NOTCH2NLB: variants seen among roughly 807,000 people sequenced by gnomAD.
NOTCH2NLB encodes the protein notch homolog 2 N-terminal-like protein B.
A neutral mutation model predicts 14.8 loss-of-function variants in NOTCH2NLB; 1 was observed. The observed-to-expected ratio is 0.07, with a 90% CI of 0.02 to 0.32. NOTCH2NLB has a LOEUF of 0.32. Among genes scored for constraint, NOTCH2NLB ranks in the 10% least tolerant of loss-of-function variants. NOTCH2NLB has a pLI of 1.00. For missense variants in NOTCH2NLB, 11 were observed against 155.0 expected, an observed-to-expected ratio of 0.07 and a Z score of 4.93; for synonymous variants, 6 against 57.5, an observed-to-expected ratio of 0.10 and a Z score of 4.05.
chr1:148,669,969 T>C (rs1664723440), intron 1 of NOTCH2NLB, among the ~76,000 whole-genome samples: 1 of 33,036 alleles, frequency 3.0e-5, no homozygotes, highest in African/African-American at 8.6e-5. Context: ...AATACACTGC[T>C]TTTCTCCAAC....
chr1:148,648,004 ACAAC>A (rs1664408229), intron 1 of NOTCH2NLB, among the ~76,000 whole-genome samples: 2 of 141,212 alleles, frequency 1.4e-5, no homozygotes, highest in African/African-American at 5.2e-5. Flanking sequence ...ATCAACGATA[ACAAC>A]TTATAAATGA....
In NOTCH2NLB at chr1:148,637,993, C is replaced by T. The variant is rs1440367176; in HGVS notation, c.77+2023G>A. On this transcript the variant is annotated intron_variant, in intron 2 of 4. Transcript: ENST00000593495. ...ACATTTTCTTTATCCAGTCTATCAC[C>T]GTTGGGCATTTGGGTTGGTTCCAAG... Among the ~76,000 whole-genome samples, 9 of 147,770 alleles carry T rather than the reference C, an allele frequency of 6.1e-5. 1 individual carries two copies. The highest frequency in any genetic ancestry group is 3.6e-3 in the Middle Eastern group (1 of 278).
chr1:148,704,296 G>A, the NOTCH2NLB span, among the ~76,000 whole-genome samples: 103 of 58,330 alleles, frequency 1.8e-3, 30 homozygotes, highest in Non-Finnish European at 6.1e-4. Flanking sequence ...GTATAAGGGA[G>A]GTTCCTTTTT....
chr1:148,674,893 G>C (rs1312019259), intron 1 of NOTCH2NLB, among the ~76,000 whole-genome samples: 2 of 138,844 alleles, frequency 1.4e-5, no homozygotes, highest in African/African-American at 5.1e-5. Flanking sequence ...TTTACTAAAT[G>C]TACATATTCT....
chr1:148,679,469 G>T (rs1664888607), exon 1 of NOTCH2NLB: 2 of 1,096,320 alleles, frequency 1.8e-6, no homozygotes, highest in South Asian at 1.9e-5. Context: ...CACCATGCGC[G>T]GGGGTCGCGC....
At chr1:148,627,586 ACTT>A (rs1372105680) in intron 2 of NOTCH2NLB, among the ~76,000 whole-genome samples, 5 of 149,518 alleles carry the variant, frequency 3.3e-5, no homozygotes, top group African/African-American at 1.2e-4. Context: ...ATAGTACACT[ACTT>A]CTCACTTCCA....
intron 2 of NOTCH2NLB, among the ~76,000 whole-genome samples, chr1:148,637,237 T>C (rs1276231548): frequency 2.1e-5 from 3 of 143,626 alleles, no homozygotes; most frequent in South Asian, 2.3e-4. Flanking sequence ...CCCAGCTAAT[T>C]TTTTGCATTT....
At chr1:148,649,646 G>A (rs1664450625) in intron 1 of NOTCH2NLB, among the ~76,000 whole-genome samples, 3 of 151,810 alleles carry the variant, frequency 2.0e-5, no homozygotes, top group Admixed American at 2.0e-4. Context: ...GAGTAGCTGG[G>A]ACTATAGGTG....
At chr1:148,689,515 C>A in the NOTCH2NLB span, among the ~76,000 whole-genome samples, 1 of 149,104 alleles carries the variant, frequency 6.7e-6, no homozygotes, top group Non-Finnish European at 1.5e-5. Context: ...AACTCCTGAC[C>A]TTAGGTGATC....
intron 1 of NOTCH2NLB, among the ~76,000 whole-genome samples, chr1:148,649,686 G>A (rs2149623819): frequency 1.3e-5 from 2 of 150,812 alleles, no homozygotes; most frequent in South Asian, 4.2e-4. Context: ...AATTTTTTTT[G>A]TATTTTTAGT....
At chr1:148,610,378 A>AGAAAGAAAGAAAGAAG (rs1663662288) in intron 3 of NOTCH2NLB, among the ~76,000 whole-genome samples, 1 of 121,952 alleles carries the variant, frequency 8.2e-6, no homozygotes, top group Non-Finnish European at 1.7e-5. Flanking sequence ...AGAAAGAGAA[A>AGAAAGAAAGAAAGAAG]GAAAGAAAGA....
chr1:148,660,490 G>A (rs1664646622), intron 1 of NOTCH2NLB, among the ~76,000 whole-genome samples: 1 of 147,460 alleles, frequency 6.8e-6, no homozygotes, highest in African/African-American at 2.5e-5. Flanking sequence ...AGAGCAGATA[G>A]AAGACCTGGC....
At position 148,638,405 on chromosome 1, in the gene NOTCH2NLB, C is replaced by T. The variant is rs1392837551; in HGVS notation, c.77+1611G>A. Among the ~76,000 whole-genome samples, 2 of 148,786 alleles carry T rather than the reference C, an allele frequency of 1.3e-5. 1 individual carries two copies. The highest frequency in any genetic ancestry group is 5.0e-5 in the African/African-American group (2 of 39,788). Reference sequence around the variant, plus strand: ...ACCATAATGCAATGGGGTTAACTACCACAAGAGTTGCATAACAGAATAAAG... The same window carrying T: ...ACCATAATGCAATGGGGTTAACTACTACAAGAGTTGCATAACAGAATAAAG... On this transcript the variant is annotated intron_variant, in intron 2 of 4. Coordinates refer to ENST00000593495, the Ensembl canonical transcript of NOTCH2NLB.
At chr1:148,670,539 A>AAATATATATATACATAT (rs1445301786) in intron 1 of NOTCH2NLB, among the ~76,000 whole-genome samples, 1 of 93,478 alleles carries the variant, frequency 1.1e-5, no homozygotes, top group African/African-American at 4.3e-5. Flanking sequence ...TAAAAAAAAA[A>AAATATATATATACATAT]ATATATATAT....
chr1:148,632,143 ACTT>A (rs1664122789), intron 2 of NOTCH2NLB, among the ~76,000 whole-genome samples: 1 of 40,146 alleles, frequency 2.5e-5, no homozygotes, highest in Non-Finnish European at 3.8e-5. Flanking sequence ...AGATTCTCCT[ACTT>A]CTTCACTGAA....
the NOTCH2NLB span, among the ~76,000 whole-genome samples, chr1:148,686,837 C>G: frequency 1.6e-5 from 1 of 63,212 alleles, no homozygotes; most frequent in African/African-American, 4.6e-5. Flanking sequence ...TTCTGGCCTC[C>G]AAAACTGTGA....
In NOTCH2NLB at chr1:148,633,161, C is replaced by A. The variant is rs1247186674; in HGVS notation, c.77+6855G>T. Among the ~76,000 whole-genome samples, 8 of 127,222 alleles carry A rather than the reference C, an allele frequency of 6.3e-5. 2 individuals carry two copies. Among genetic ancestry groups the A allele is most frequent in the Admixed American group, 6.0e-4 (8 of 13,318 alleles). The allele number at this position is 127,222 out of a possible 152,430, so 83.5% of individuals were successfully genotyped here. A position where few individuals can be genotyped will look rare whatever the true frequency, so the allele number is the denominator to read the frequency against. ...TTCAAATTGAGAACAGACCCTAATACGCAATAATGTTAGCTAGCATTATAG... is the reference window on the plus strand; with the variant it reads ...TTCAAATTGAGAACAGACCCTAATAAGCAATAATGTTAGCTAGCATTATAG... On this transcript the variant is annotated intron_variant, in intron 2 of 4. Transcript: ENST00000593495.
intron 2 of NOTCH2NLB, among the ~76,000 whole-genome samples, chr1:148,638,405 C>A (rs1392837551): frequency 6.7e-6 from 1 of 148,786 alleles, no homozygotes; most frequent in Non-Finnish European, 1.5e-5. Flanking sequence ...GGTTAACTAC[C>A]ACAAGAGTTG....
chr1:148,638,551 C>T (rs1664269341), intron 2 of NOTCH2NLB, among the ~76,000 whole-genome samples: 1 of 148,934 alleles, frequency 6.7e-6, no homozygotes, highest in Non-Finnish European at 1.5e-5. Flanking sequence ...GAGGAGAATG[C>T]ACCACATGTT....
Sources: gnomAD v4.1 joint callset for allele counts (sites outside exome capture counted in the v4.1 genomes callset) on GRCh38, gnomAD v4.1.1 for gene constraint, MANE v1.5 for transcripts, NCBI Gene and HGNC (gene_info 2026-07-23, HGNC 2026-07-21) for gene names.